The following NOL4 variants were observed in gnomAD, a reference collection of about 807,000 sequenced individuals.
The protein encoded by NOL4 is nucleolar protein 4, also known as cancer/testis antigen 125.
Under a neutral mutation model 75.9 loss-of-function variants are expected in NOL4, and 17 were observed. The observed-to-expected ratio is 0.22, with a 90% confidence interval of 0.15 to 0.34. The LOEUF is 0.34. Ranked by LOEUF, NOL4 falls within the 10% of genes least tolerant of loss-of-function variation. The pLI, the probability that NOL4 is intolerant of heterozygous loss-of-function variation, is 1.00. For missense variants in NOL4, 614 were observed against 793.5 expected (o/e 0.77, Z 2.72); for synonymous variants, 292 against 289.9 (o/e 1.01, Z -0.07).
chr18:34,119,710 T>C (rs545278706), intron 2 of NOL4, among the ~76,000 whole-genome samples: 122 of 152,108 alleles, frequency 8.0e-4, no homozygotes, highest in African/African-American at 2.8e-3. Context: ...CCAGCTCCAC[T>C]TCCTGGGTTC....
chr18:34,051,052 T>C (rs571667609), intron 5 of NOL4, among the ~76,000 whole-genome samples: 31 of 152,042 alleles, frequency 2.0e-4, no homozygotes, highest in Non-Finnish European at 2.6e-4. Context: ...AGAGTATCTT[T>C]ATGAGAATTC....
intron 9 of NOL4, among the ~76,000 whole-genome samples, chr18:33,904,763 T>C (rs772186635): frequency 6.6e-6 from 1 of 152,118 alleles, no homozygotes; most frequent in Non-Finnish European, 1.5e-5. Context: ...CCCAGTACAA[T>C]TGATAGTGGG....
rs571627489 is a variant in NOL4 at position 34,072,029 on chromosome 18, G to A, written c.772+21436C>T. Among the ~76,000 whole-genome samples, 14 of 152,192 alleles carry A rather than the reference G, an allele frequency of 9.2e-5. No individual in the cohort carries two copies. The East Asian group carries it at 2.3e-3, about 25-fold the overall frequency. ...CTGCAGATCATGAGGTCAGGAGTTC[G>A]AGACCAGCCTGACCAAGATGGTGAA... On this transcript the variant is annotated intron_variant, in intron 5 of 10. Coordinates refer to ENST00000261592, the MANE Select transcript of NOL4 (RefSeq NM_003787.5).
At chr18:34,012,499 A>G in intron 6 of NOL4, among the ~76,000 whole-genome samples, 1 of 151,796 alleles carries the variant, frequency 6.6e-6, no homozygotes, top group South Asian at 2.1e-4. Context: ...TACTATTTAT[A>G]TGTGTGTGTG....
chr18:34,201,904 A>C (rs1966855576), intron 1 of NOL4, among the ~76,000 whole-genome samples: 1 of 151,862 alleles, frequency 6.6e-6, no homozygotes, highest in South Asian at 2.1e-4. Flanking sequence ...GAAATAAACT[A>C]TCTCTTCTTT....
At chr18:34,222,500 T>G in intron 1 of NOL4, 1 of 958,646 alleles carries the variant, frequency 1.0e-6, no homozygotes, top group Non-Finnish European at 1.2e-6. Context: ...AAACCCCACA[T>G]CCACCGCTAG....
At chr18:34,170,718 A>T (rs1000628950) in intron 1 of NOL4, among the ~76,000 whole-genome samples, 3 of 152,176 alleles carry the variant, frequency 2.0e-5, no homozygotes, top group African/African-American at 7.2e-5. Context: ...CATTTTTAAT[A>T]GACTGAAAAT....
At chr18:34,141,631 T>C (rs563566847) in intron 1 of NOL4, among the ~76,000 whole-genome samples, 110 of 152,302 alleles carry the variant, frequency 7.2e-4, no homozygotes, top group South Asian at 1.5e-3. Context: ...GCTAGCTATA[T>C]GTAGAAAGCT....
At chr18:33,925,886 T>G (rs900115327) in intron 9 of NOL4, among the ~76,000 whole-genome samples, 1 of 152,218 alleles carries the variant, frequency 6.6e-6, no homozygotes, top group African/African-American at 2.4e-5. Flanking sequence ...TAAAATAAAT[T>G]TGTTGAGCTA....
intron 5 of NOL4, among the ~76,000 whole-genome samples, chr18:34,022,162 GGTTTAA>G (rs2075084257): frequency 6.6e-6 from 1 of 150,902 alleles, no homozygotes; most frequent in South Asian, 2.1e-4. Flanking sequence ...AAGCACATTA[GGTTTAA>G]GTTTAATTTG....
intron 5 of NOL4, among the ~76,000 whole-genome samples, chr18:34,077,957 AAACT>A (rs2077823856): frequency 6.6e-6 from 1 of 152,206 alleles, no homozygotes; most frequent in South Asian, 2.1e-4. Flanking sequence ...AGTTAACCAC[AAACT>A]AACAAATAAA....
chr18:33,939,631 G>A lies in NOL4; in HGVS notation c.1542+3434C>T, dbSNP rs550841057. ...TTTTTGCACATTGATTTTATATCCT[G>A]AGACTTTGCTGAAGTTGCTTATCAG... On this transcript the variant is annotated intron_variant, in intron 9 of 10. Transcript: ENST00000261592. Among the ~76,000 whole-genome samples the A allele has an allele frequency of 9.2e-5, 14 of 152,248 alleles. No individual in the cohort carries two copies. In the South Asian group the frequency reaches 2.7e-3, roughly 29 times the overall value.
chr18:34,133,143 G>A (rs1397989757), intron 1 of NOL4, among the ~76,000 whole-genome samples: 6 of 151,628 alleles, frequency 4.0e-5, no homozygotes, highest in African/African-American at 1.2e-4. Context: ...GTGGTGGTGC[G>A]TGCCTGTAAT....
At chr18:34,128,609 A>C (rs1413230955) in intron 2 of NOL4, among the ~76,000 whole-genome samples, 2 of 151,924 alleles carry the variant, frequency 1.3e-5, no homozygotes, top group Non-Finnish European at 1.5e-5. Flanking sequence ...TGTGTAAGTC[A>C]AAAGAAAGTT....
intron 5 of NOL4, among the ~76,000 whole-genome samples, chr18:34,031,704 G>C (rs2075647603): frequency 6.6e-6 from 1 of 152,202 alleles, no homozygotes; most frequent in Admixed American, 6.5e-5. Flanking sequence ...GTAGAAGGAA[G>C]AGAGGCATCT....
chr18:33,877,437 T>TAACAAAAAAA (rs1555641396), intron 10 of NOL4, among the ~76,000 whole-genome samples: 1 of 106,240 alleles, frequency 9.4e-6, no homozygotes, highest in African/African-American at 3.5e-5. Context: ...GACCTTGCCT[T>TAACAAAAAAA]AAAAAAAAAA....
chr18:33,970,878 T>C (rs1220921017), intron 6 of NOL4, among the ~76,000 whole-genome samples: 2 of 152,086 alleles, frequency 1.3e-5, no homozygotes, highest in Non-Finnish European at 2.9e-5. Flanking sequence ...ATCCATACAA[T>C]GTGTGAAAAG....
chr18:34,067,328 G>A (rs1372610032), intron 5 of NOL4, among the ~76,000 whole-genome samples: 1 of 152,178 alleles, frequency 6.6e-6, no homozygotes, highest in Non-Finnish European at 1.5e-5. Context: ...CAGGGAGGCT[G>A]TTGTAGCTAT....
At chr18:34,139,582 G>A (rs535873467) in intron 1 of NOL4, among the ~76,000 whole-genome samples, 262 of 152,038 alleles carry the variant, frequency 1.7e-3, no homozygotes, top group Non-Finnish European at 2.9e-3. Flanking sequence ...TTCTTTATTA[G>A]TCTTGCTAGC....
Sources: allele counts gnomAD v4.1 joint callset (sites outside exome capture counted in the v4.1 genomes callset), GRCh38; gene constraint gnomAD v4.1.1; transcripts MANE v1.5; gene names NCBI Gene and HGNC (gene_info 2026-07-23, HGNC 2026-07-21).